The following MCTP2 variants were observed in gnomAD, a reference collection of about 807,000 sequenced individuals.
MCTP2 encodes the protein multiple C2 and transmembrane domain containing 2, also known as multiple C2 and transmembrane domain-containing protein 2.
A neutral mutation model predicts 111.6 loss-of-function variants in MCTP2; 132 were observed. The observed-to-expected ratio is 1.18, with a 90% CI of 1.03 to 1.37. The LOEUF is 1.37. Ranked by LOEUF, MCTP2 falls within the 40% of genes most tolerant of loss-of-function variation. The pLI, the probability that MCTP2 is intolerant of heterozygous loss-of-function variation, is 0.00. For synonymous variants in MCTP2, 395 were observed against 387.7 expected (o/e 1.02, Z -0.22); for missense variants, 1,183 against 1,067.9 (o/e 1.11, Z -1.50).
intron 17 of MCTP2, among the ~76,000 whole-genome samples, chr15:94,407,797 A>G (rs1434240253): frequency 7.0e-6 from 1 of 141,928 alleles, no homozygotes; most frequent in Non-Finnish European, 1.6e-5. Flanking sequence ...ACACACACAC[A>G]CACACACACA....
At chr15:94,468,140 A>G (rs78011172) in intron 20 of MCTP2, among the ~76,000 whole-genome samples, 2,697 of 152,306 alleles carry the variant, frequency 0.018, 73 homozygotes, top group African/African-American at 0.06. Context: ...TGATTTTTCT[A>G]CTATCCAAAC....
chr15:94,352,863 C>T (rs1450997074), intron 8 of MCTP2, among the ~76,000 whole-genome samples: 1 of 152,204 alleles, frequency 6.6e-6, no homozygotes, highest in African/African-American at 2.4e-5. Flanking sequence ...GAACCCCAGA[C>T]TCCCTGGTCT....
intron 8 of MCTP2, among the ~76,000 whole-genome samples, chr15:94,355,236 G>C (rs193162717): frequency 1.3e-5 from 2 of 152,244 alleles, no homozygotes; most frequent in African/African-American, 4.8e-5. Context: ...AAACAAATGT[G>C]GATTTTGCTT....
At position 94,440,289 on chromosome 15, in the gene MCTP2, G is replaced by A; in HGVS notation, c.2199G>A (p.Gln733=). ...TGAAAGGCAAGGTCAGCAGCATCCA[G>A]GACAGCCAGGTAAGCAAGGATTCGG... ...RPVKGKVSSI[Q]DSQESTDIDD... is the part of the protein sequence containing the mutation. Residue 733 remains glutamine (Q), a synonymous_variant, in exon 18 of 23, where the codon CAG becomes CAA. Transcript: ENST00000357742. 6.2e-7 allele frequency: 1 copy of A among 1,613,852 alleles called. No homozygotes were observed. The highest frequency in any genetic ancestry group is 8.5e-7 in the Non-Finnish European group (1 of 1,179,916).
At chr15:94,396,920 A>C (rs908293622) in intron 14 of MCTP2, among the ~76,000 whole-genome samples, 5 of 152,210 alleles carry the variant, frequency 3.3e-5, no homozygotes, top group Non-Finnish European at 7.4e-5. Flanking sequence ...CAAAATACAC[A>C]CAATTTGTCA....
intron 4 of MCTP2, among the ~76,000 whole-genome samples, chr15:94,334,199 A>G (rs947773653): frequency 2.6e-5 from 4 of 152,310 alleles, no homozygotes; most frequent in Admixed American, 1.3e-4. Context: ...TCAGTTCTCA[A>G]AATGATCCCT....
chr15:94,300,657 G>A (rs2075566091), intron 2 of MCTP2, among the ~76,000 whole-genome samples: 1 of 152,148 alleles, frequency 6.6e-6, no homozygotes, highest in African/African-American at 2.4e-5. Flanking sequence ...TTTTTTGGGA[G>A]ATCTTACAAG....
At position 94,315,557 on chromosome 15, in the gene MCTP2, G is replaced by A; in HGVS notation, c.557G>A (p.Ser186Asn). ...SVPGEASDGLSNLPSPFAYLL... is the reference protein window; with the variant it reads ...SVPGEASDGLNNLPSPFAYLL... Reference sequence around the variant, plus strand: ...CCGGGGGAAGCCAGTGATGGCTTGAGTAACCTCCCCAGCCCTTTTGCGTAC... The same window carrying A: ...CCGGGGGAAGCCAGTGATGGCTTGAATAACCTCCCCAGCCCTTTTGCGTAC... Residue 186 changes from serine (S) to asparagine (N), a missense_variant, in exon 4 of 23, where the codon AGT becomes AAT. Physicochemically the swap from Ser to Asn is conservative, Grantham distance 46 (BLOSUM62 1). Coordinates refer to ENST00000357742, the MANE Select transcript of MCTP2 (RefSeq NM_001385001.1). 6.2e-7 allele frequency: 1 copy of A among 1,614,108 alleles called. No homozygotes were observed. Among genetic ancestry groups the A allele is most frequent in the African/African-American group, 1.3e-5 (1 of 75,038 alleles).
At chr15:94,477,007 G>A (rs781130557) in intron 22 of MCTP2, among the ~76,000 whole-genome samples, 3 of 152,170 alleles carry the variant, frequency 2.0e-5, no homozygotes, top group Non-Finnish European at 4.4e-5. Flanking sequence ...AGCTACTTAA[G>A]TATGATCTGG....
chr15:94,372,555 A>G (rs952411000), intron 12 of MCTP2, among the ~76,000 whole-genome samples: 5 of 152,240 alleles, frequency 3.3e-5, no homozygotes, highest in Non-Finnish European at 2.9e-5. Context: ...TACTGCTGTT[A>G]TCATTATTGT....
At chr15:94,315,911 C>T (rs1048827542) in intron 4 of MCTP2, among the ~76,000 whole-genome samples, 2 of 152,196 alleles carry the variant, frequency 1.3e-5, no homozygotes, top group Non-Finnish European at 2.9e-5. Flanking sequence ...TACGCCTGGC[C>T]TATGGCAACT....
chr15:94,285,628 T>A (rs1328269528), intron 1 of MCTP2, among the ~76,000 whole-genome samples: 2 of 152,236 alleles, frequency 1.3e-5, no homozygotes, highest in Non-Finnish European at 2.9e-5. Flanking sequence ...TGTAAATATC[T>A]CATCAGAGAT....
At chr15:94,373,048 T>A (rs1184505557) in intron 12 of MCTP2, among the ~76,000 whole-genome samples, 1 of 152,200 alleles carries the variant, frequency 6.6e-6, no homozygotes, top group African/African-American at 2.4e-5. Context: ...AGGTTATAGT[T>A]ACCGTTTTGG....
At chr15:94,321,967 C>A (rs1334046162) in intron 4 of MCTP2, among the ~76,000 whole-genome samples, 1 of 152,196 alleles carries the variant, frequency 6.6e-6, no homozygotes, top group Non-Finnish European at 1.5e-5. Context: ...TAAAAGCCTG[C>A]ACCCTCATTG....
chr15:94,344,653 C>A (rs891721180), intron 7 of MCTP2, among the ~76,000 whole-genome samples: 17 of 152,232 alleles, frequency 1.1e-4, no homozygotes, highest in Non-Finnish European at 1.5e-5. Flanking sequence ...CATATTTTGT[C>A]TAGTGTTTTG....
At chr15:94,292,845 C>T (rs2075093642) in intron 1 of MCTP2, 1 of 152,128 alleles carries the variant, frequency 6.6e-6, no homozygotes, top group Non-Finnish European at 1.5e-5. Flanking sequence ...GACTATCATC[C>T]TTCAGCAATC....
intron 4 of MCTP2, among the ~76,000 whole-genome samples, chr15:94,328,370 C>T (rs1018019972): frequency 5.6e-4 from 85 of 152,076 alleles, no homozygotes; most frequent in Non-Finnish European, 1.0e-3. Flanking sequence ...CCTCGTGATC[C>T]ACCCGCCTTG....
intron 1 of MCTP2, among the ~76,000 whole-genome samples, chr15:94,284,467 C>G (rs923279834): frequency 6.6e-6 from 1 of 152,204 alleles, no homozygotes; most frequent in East Asian, 1.9e-4. Flanking sequence ...TAGATCTTTC[C>G]ATAATGCAAT....
At chr15:94,440,787 G>A (rs145065268) in intron 18 of MCTP2, among the ~76,000 whole-genome samples, 1 of 152,308 alleles carries the variant, frequency 6.6e-6, no homozygotes, top group East Asian at 1.9e-4. Flanking sequence ...GAGTGGGTGG[G>A]CTTAGATCCA....
Sources: allele counts gnomAD v4.1 joint callset (sites outside exome capture counted in the v4.1 genomes callset), GRCh38; gene constraint gnomAD v4.1.1; transcripts MANE v1.5; gene names NCBI Gene and HGNC (gene_info 2026-07-23, HGNC 2026-07-21).